The following KDM6A variants were observed in gnomAD, a reference collection of about 807,000 sequenced individuals.
The protein encoded by KDM6A is lysine-specific demethylase 6A.
A neutral mutation model predicts 117.6 loss-of-function variants in KDM6A; 11 were observed. That is an observed-to-expected ratio of 0.09 (90% CI 0.06 to 0.15). KDM6A has a LOEUF of 0.15. Among genes scored for constraint, KDM6A ranks in the 10% least tolerant of loss-of-function variants. The pLI, the probability that KDM6A is intolerant of heterozygous loss-of-function variation, is 1.00. For missense variants in KDM6A, 799 were observed against 1,077.3 expected, an observed-to-expected ratio of 0.74 and a Z score of 3.62; for synonymous variants, 384 against 396.1, an observed-to-expected ratio of 0.97 and a Z score of 0.36.
chrX:44,873,470 C>T lies in KDM6A; in HGVS notation c.-82C>T. The stretch of plus-strand genomic sequence containing the variant: ...GGCGATAAAGTTGGTGTGCTGGTCC[C>T]GCGCGCAGATTGGGGGCGTCACTGC... On this transcript the variant is annotated 5_prime_UTR_variant, in exon 1 of 30. Transcript: ENST00000611820. The T allele has an allele frequency of 1.7e-6, 2 of 1,172,419 alleles. No individual in the cohort carries two copies. Among genetic ancestry groups the T allele is most frequent in the Non-Finnish European group, 1.2e-6 (1 of 863,976 alleles).
At chrX:45,039,927 GC>G (rs1427958495) in intron 8 of KDM6A, among the ~76,000 whole-genome samples, 1 of 57,245 alleles carries the variant, frequency 1.7e-5, no homozygotes. Flanking sequence ...CACAGACCCG[GC>G]AACCATCTGA....
chrX:45,040,614 A>G (rs1346831133), intron 8 of KDM6A, among the ~76,000 whole-genome samples: 32 of 72,647 alleles, frequency 4.4e-4, no homozygotes, highest in Admixed American at 1.2e-3. Context: ...GCGGCTGGCC[A>G]GGCGGGGGGC....
At chrX:44,911,172 T>C (rs1175916453) in intron 2 of KDM6A, among the ~76,000 whole-genome samples, 1 of 105,615 alleles carries the variant, frequency 9.5e-6, no homozygotes, top group Non-Finnish European at 2.0e-5. Flanking sequence ...GGGCGGGGGC[T>C]GCCCCCCACC....
At chrX:45,086,010 A>T (rs776317091) in intron 25 of KDM6A, 31 bp downstream of exon 25, 7 of 892,841 alleles carry the variant, frequency 7.8e-6, no homozygotes, top group Admixed American at 2.2e-5. Context: ...TTCTTAAAAC[A>T]TATATTAGAA....
At chrX:45,011,120 AAAATTT>A in intron 5 of KDM6A, 101 bp downstream of exon 5, 1 of 593,509 alleles carries the variant, frequency 1.7e-6, no homozygotes, top group Non-Finnish European at 2.8e-6. Context: ...TAATAAATAG[AAAATTT>A]AGTGTCATTA....
chrX:44,997,232 C>T (rs778444421), intron 4 of KDM6A, among the ~76,000 whole-genome samples: 6 of 112,264 alleles, frequency 5.3e-5, no homozygotes, highest in Non-Finnish European at 7.5e-5. Context: ...CTGGAAGAAT[C>T]GGATCACATG....
intron 21 of KDM6A, among the ~76,000 whole-genome samples, chrX:45,081,244 T>C (rs1218707185): frequency 8.9e-6 from 1 of 111,732 alleles, no homozygotes; most frequent in African/African-American, 3.3e-5. Flanking sequence ...CATGGGGTCT[T>C]TTAGTATGCT....
chrX:45,078,408 T>C lies in KDM6A; in HGVS notation c.2997T>C (p.Asn999=), dbSNP rs774450370. The change falls in exon 20 of 30, where the codon AAT becomes AAC. Residue 999 remains asparagine (N), a synonymous_variant. Coordinates refer to ENST00000611820, the MANE Select transcript of KDM6A (RefSeq NM_001291415.2). The part of the protein sequence containing the change: ...NPPTPSIYLE[N]KRDAFFPPLH... ...ATATTTTAATTTTACAGTTGGAAAA[T>C]AAACGTGATGCTTTCTTTCCTCCAT... The C allele has an allele frequency of 1.2e-5, 14 of 1,208,356 alleles. No individual in the cohort carries two copies. Among genetic ancestry groups the C allele is most frequent in the Non-Finnish European group, 1.6e-5 (14 of 893,883 alleles).
At chrX:44,931,113 G>A (rs1173194047) in intron 2 of KDM6A, among the ~76,000 whole-genome samples, 3 of 110,320 alleles carry the variant, frequency 2.7e-5, no homozygotes, top group East Asian at 2.8e-4. Context: ...CATTCACTCC[G>A]TCACCCAGGC....
intron 6 of KDM6A, among the ~76,000 whole-genome samples, chrX:45,028,449 T>C (rs1448283636): frequency 8.9e-6 from 1 of 112,188 alleles, no homozygotes; most frequent in Non-Finnish European, 1.9e-5. Flanking sequence ...TGGCTTTTTA[T>C]GGTTAGCAGT....
chrX:44,983,800 C>T (rs200161433), intron 4 of KDM6A, among the ~76,000 whole-genome samples: 2 of 110,338 alleles, frequency 1.8e-5, no homozygotes, highest in East Asian at 5.7e-4. Context: ...TTTCTTAATC[C>T]AGTCTATCAT....
At chrX:44,983,817 A>G (rs1569502404) in intron 4 of KDM6A, among the ~76,000 whole-genome samples, 2 of 109,955 alleles carry the variant, frequency 1.8e-5, no homozygotes, top group African/African-American at 3.3e-5. Context: ...TCATTGTTGG[A>G]CATTTGGGTT....
chrX:44,948,321 A>G (rs970761126), intron 2 of KDM6A, among the ~76,000 whole-genome samples: 2 of 111,700 alleles, frequency 1.8e-5, no homozygotes, highest in African/African-American at 6.5e-5. Context: ...TGCCACTCCT[A>G]TTACCCATTA....
chrX:44,977,920 A>G (rs2039693922), intron 4 of KDM6A, among the ~76,000 whole-genome samples: 1 of 111,518 alleles, frequency 9.0e-6, no homozygotes, highest in South Asian at 3.7e-4. Flanking sequence ...TTACTGTTTT[A>G]TGTAGCTATA....
intron 8 of KDM6A, among the ~76,000 whole-genome samples, chrX:45,041,008 A>C (rs1216714955): frequency 6.3e-4 from 23 of 36,500 alleles, no homozygotes; most frequent in African/African-American, 8.5e-4. Context: ...TGACCCCCCC[A>C]CCTCCCTCCC....
intron 6 of KDM6A, among the ~76,000 whole-genome samples, chrX:45,023,926 A>G (rs2042266513): frequency 8.9e-6 from 1 of 112,113 alleles, no homozygotes; most frequent in Non-Finnish European, 1.9e-5. Context: ...TTCACTTAGA[A>G]TAATGGTCTC....
chrX:45,028,653 T>C (rs1401890422), intron 6 of KDM6A, among the ~76,000 whole-genome samples: 1 of 112,175 alleles, frequency 8.9e-6, no homozygotes, highest in African/African-American at 3.2e-5. Context: ...AATCATCCTT[T>C]CTCTGTTCTT....
intron 2 of KDM6A, among the ~76,000 whole-genome samples, chrX:44,951,346 G>A (rs183150310): frequency 9.8e-5 from 11 of 111,844 alleles, no homozygotes; most frequent in African/African-American, 2.9e-4. Context: ...GCTGCAAAAA[G>A]TGGGATAAAG....
intron 2 of KDM6A, among the ~76,000 whole-genome samples, chrX:44,954,069 AAT>A (rs1423714822): frequency 1.9e-5 from 2 of 106,227 alleles, no homozygotes; most frequent in Non-Finnish European, 2.0e-5. Flanking sequence ...AAAAAAAAAA[AAT>A]AATAATAATA....
Sources: gnomAD v4.1 joint callset for allele counts (sites outside exome capture counted in the v4.1 genomes callset) on GRCh38, gnomAD v4.1.1 for gene constraint, MANE v1.5 for transcripts, NCBI Gene and HGNC (gene_info 2026-07-23, HGNC 2026-07-21) for gene names.